The following DNAJC10 variants were observed in gnomAD, a reference collection of about 807,000 sequenced individuals.
DNAJC10 encodes endoplasmic reticulum disulfide reductase DNAJC10.
Under a neutral mutation model 115.0 loss-of-function variants are expected in DNAJC10, and 101 were observed. The observed-to-expected ratio is 0.88, with a 90% confidence interval of 0.75 to 1.04. The LOEUF (loss-of-function observed/expected upper bound fraction) is 1.04. Ranked by LOEUF, DNAJC10 falls within the 50% of genes least tolerant of loss-of-function variation. The pLI is 0.00. For missense variants in DNAJC10, 981 were observed against 928.8 expected (o/e 1.06, Z -0.73); for synonymous variants, 307 against 301.5 (o/e 1.02, Z -0.19).
Position 182,736,247 on chromosome 2 carries a change from A to G in DNAJC10, c.850-2A>G. On this transcript the variant is annotated splice_acceptor_variant, in intron 10 of 23. Transcript: ENST00000264065. LOFTEE classifies it high-confidence loss of function. ...ATGGTTTGTTGTTTCTTTCCATTTT[A>G]GGATGGTCTTGTTAATGTAGGATGG... The G allele has an allele frequency of 2.6e-6, 4 of 1,556,090 alleles. No homozygotes were observed. The highest frequency in any genetic ancestry group is 3.4e-6 in the Non-Finnish European group (4 of 1,159,970).
intron 14 of DNAJC10, among the ~76,000 whole-genome samples, chr2:182,744,856 G>C (rs1693821616): frequency 6.6e-6 from 1 of 152,178 alleles, no homozygotes; most frequent in Non-Finnish European, 1.5e-5. Flanking sequence ...AAAAGTGCTA[G>C]AAATGACTAA....
chr2:182,776,170 T>C (rs1694698919), intron 23 of DNAJC10, among the ~76,000 whole-genome samples: 1 of 152,156 alleles, frequency 6.6e-6, no homozygotes, highest in Non-Finnish European at 1.5e-5. Flanking sequence ...GGCCATAAAT[T>C]ATTTAAATTT....
intron 16 of DNAJC10, chr2:182,752,475 G>A (rs376599818): frequency 5.3e-5 from 23 of 436,330 alleles, no homozygotes; most frequent in Admixed American, 3.5e-4. Context: ...TCCAATTATT[G>A]AAGATTGTTA....
chr2:182,731,991 T>C (rs886659949), intron 9 of DNAJC10, among the ~76,000 whole-genome samples: 6 of 152,174 alleles, frequency 3.9e-5, no homozygotes, highest in Admixed American at 1.3e-4. Context: ...CCTGTCTTTG[T>C]AGGCTCTGTG....
At position 182,780,867 on chromosome 2, in the gene DNAJC10, A is replaced by T. The variant is rs1694828557; in HGVS notation, c.*3735A>T. 1 of 152,148 alleles carries T rather than the reference A, an allele frequency of 6.6e-6. No individual in the cohort carries two copies. The highest frequency in any genetic ancestry group is 1.5e-5 in the Non-Finnish European group (1 of 68,026). The allele number at this position is 152,148 out of a possible 1,614,324, so 9.4% of individuals were successfully genotyped here. On this transcript the variant is annotated 3_prime_UTR_variant, in exon 24 of 24. Coordinates refer to ENST00000264065, the MANE Select transcript of DNAJC10 (RefSeq NM_018981.4). ...AACCACTTGATTGCATTAAGTAGTC[A>T]TTTGAGTGCATCACCTAGTGGCCTT...
At chr2:182,768,168 G>T (rs891313744) in intron 22 of DNAJC10, among the ~76,000 whole-genome samples, 1 of 152,058 alleles carries the variant, frequency 6.6e-6, no homozygotes, top group Non-Finnish European at 1.5e-5. Flanking sequence ...GATTTGTCAA[G>T]AATCTGTCTT....
chr2:182,767,126 C>T (rs1181667171), intron 22 of DNAJC10, among the ~76,000 whole-genome samples: 1 of 152,130 alleles, frequency 6.6e-6, no homozygotes, highest in Non-Finnish European at 1.5e-5. Context: ...GAATCTCTCC[C>T]TTTAAATCTT....
intron 9 of DNAJC10, among the ~76,000 whole-genome samples, chr2:182,731,804 GC>G (rs1181722629): frequency 6.6e-6 from 1 of 152,112 alleles, no homozygotes; most frequent in Non-Finnish European, 1.5e-5. Flanking sequence ...ATCCTGTAAG[GC>G]CTATGCTAGA....
intron 3 of DNAJC10, among the ~76,000 whole-genome samples, chr2:182,719,354 A>G (rs762261490): frequency 4.0e-5 from 6 of 148,904 alleles, no homozygotes; most frequent in Non-Finnish European, 8.9e-5. Context: ...CACAGGCTTA[A>G]GCAATTCCCC....
At chr2:182,735,903 G>A (rs1693570836) in intron 10 of DNAJC10, among the ~76,000 whole-genome samples, 1 of 152,012 alleles carries the variant, frequency 6.6e-6, no homozygotes, top group Non-Finnish European at 1.5e-5. Context: ...CAGTAGTTTG[G>A]TTTATTTTCT....
At position 182,730,750 on chromosome 2, in the gene DNAJC10, G is replaced by T. The variant is rs1031931595; in HGVS notation, c.728-280G>T. ...GGTGTGGGGAAATATAATATAGCTGGCTAAATAGGTAGGCAAAGCTCAAGT... is the reference window on the plus strand; with the variant it reads ...GGTGTGGGGAAATATAATATAGCTGTCTAAATAGGTAGGCAAAGCTCAAGT... On this transcript the variant is annotated intron_variant, in intron 8 of 23. Coordinates refer to ENST00000264065, the MANE Select transcript of DNAJC10 (RefSeq NM_018981.4). Among the ~76,000 whole-genome samples, 19 of 152,136 alleles carry T rather than the reference G, an allele frequency of 1.2e-4. No homozygotes were observed. In the East Asian group the frequency reaches 2.3e-3, roughly 19 times the overall value.
intron 5 of DNAJC10, among the ~76,000 whole-genome samples, chr2:182,723,580 G>A (rs1488581131): frequency 6.6e-6 from 1 of 152,196 alleles, no homozygotes; most frequent in Non-Finnish European, 1.5e-5. Context: ...TCTCGTGTGA[G>A]TTATATAAAC....
In DNAJC10 at chr2:182,751,642, T is replaced by C. The variant is rs1694021130; in HGVS notation, c.1307-16T>C. 1.9e-6 allele frequency: 3 copies of C among 1,606,462 alleles called. No homozygotes were observed. In the African/African-American group the frequency reaches 4.0e-5, roughly 22 times the overall value. On this transcript the variant is annotated splice_polypyrimidine_tract_variant and intron_variant, in intron 14 of 23. Transcript: ENST00000264065. ...AGCAGAATTTGGATTTGAATTTCTC[T>C]CATTCACTTTGAAAGGAAAGAAGAT...
In DNAJC10 at chr2:182,781,556, T is replaced by C. The variant is rs1231639736; in HGVS notation, c.*4424T>C. 1 of 152,224 alleles carries C rather than the reference T, an allele frequency of 6.6e-6. No individual in the cohort carries two copies. The highest frequency in any genetic ancestry group is 1.9e-4 in the East Asian group (1 of 5,202). The allele number at this position is 152,224 out of a possible 1,614,324, so 9.4% of individuals were successfully genotyped here. A position where few individuals can be genotyped will look rare whatever the true frequency, so the allele number is the denominator to read the frequency against. Reference sequence around the variant, plus strand: ...ATCGCCACACTGTCTTCCACAATGGTTGAACAAATTTACACTCCCACTAAC... The same window carrying C: ...ATCGCCACACTGTCTTCCACAATGGCTGAACAAATTTACACTCCCACTAAC... On this transcript the variant is annotated 3_prime_UTR_variant, in exon 24 of 24. Coordinates refer to ENST00000264065, the MANE Select transcript of DNAJC10 (RefSeq NM_018981.4).
At chr2:182,741,034 A>G (rs1693720920) in intron 12 of DNAJC10, among the ~76,000 whole-genome samples, 1 of 152,170 alleles carries the variant, frequency 6.6e-6, no homozygotes, top group South Asian at 2.1e-4. Flanking sequence ...TTTATAATTT[A>G]GTGACTAACC....
chr2:182,784,367 A>C lies in DNAJC10; in HGVS notation c.*7235A>C, dbSNP rs2105724070. The stretch of plus-strand genomic sequence containing the variant: ...AAAAAAATCATTTTGTTGGTATTTT[A>C]TATAAACTTAAGAAACCTCCCCACA... On this transcript the variant is annotated 3_prime_UTR_variant, in exon 24 of 24. Coordinates refer to ENST00000264065, the MANE Select transcript of DNAJC10 (RefSeq NM_018981.4). 6.6e-6 allele frequency: 1 copy of C among 152,230 alleles called. No homozygotes were observed. The highest frequency in any genetic ancestry group is 6.5e-5 in the Admixed American group (1 of 15,284). The allele number at this position is 152,230 out of a possible 1,614,324, so 9.4% of individuals were successfully genotyped here. A position where few individuals can be genotyped will look rare whatever the true frequency, so the allele number is the denominator to read the frequency against.
At chr2:182,723,849 G>A (rs1693216840) in intron 5 of DNAJC10, among the ~76,000 whole-genome samples, 1 of 152,154 alleles carries the variant, frequency 6.6e-6, no homozygotes, top group South Asian at 2.1e-4. Flanking sequence ...ACCCCAAATG[G>A]TAGTTCAAGA....
chr2:182,737,569 G>A (rs753659029), intron 11 of DNAJC10, among the ~76,000 whole-genome samples: 1 of 152,112 alleles, frequency 6.6e-6, no homozygotes, highest in African/African-American at 2.4e-5. Flanking sequence ...CTCCACTCCA[G>A]ATGTATTATA....
chr2:182,749,985 G>A (rs747076392), intron 14 of DNAJC10, among the ~76,000 whole-genome samples: 8 of 152,276 alleles, frequency 5.3e-5, no homozygotes, highest in Admixed American at 2.6e-4. Context: ...CTGGCTGTTG[G>A]CAGAGGCCTC....
Sources: allele counts gnomAD v4.1 joint callset (sites outside exome capture counted in the v4.1 genomes callset), GRCh38; gene constraint gnomAD v4.1.1; transcripts MANE v1.5; gene names NCBI Gene and HGNC (gene_info 2026-07-23, HGNC 2026-07-21).